The following PLEKHA7 variants were observed in gnomAD, a reference collection of about 807,000 sequenced individuals.
PLEKHA7 encodes the protein pleckstrin homology domain-containing family A member 7.
A neutral mutation model predicts 170.0 loss-of-function variants in PLEKHA7; 104 were observed. The ratio of observed to expected loss-of-function variants is 0.61; its 90% CI spans 0.52 to 0.72. The LOEUF is 0.72. Ranked by LOEUF, PLEKHA7 falls within the 30% of genes least tolerant of loss-of-function variation. The pLI, the probability that PLEKHA7 is intolerant of heterozygous loss-of-function variation, is 0.00. For missense variants in PLEKHA7, 1,615 were observed against 1,671.7 expected, an observed-to-expected ratio of 0.97 and a Z score of 0.59; for synonymous variants, 648 against 660.8, an observed-to-expected ratio of 0.98 and a Z score of 0.30.
chr11:16,835,952 C>G (rs1590275399), intron 9 of PLEKHA7, among the ~76,000 whole-genome samples: 1 of 152,226 alleles, frequency 6.6e-6, no homozygotes, highest in Admixed American at 6.5e-5. Flanking sequence ...CACCACCTCA[C>G]TCTCAGTCCT....
chr11:16,852,467 T>C, intron 6 of PLEKHA7, 112 bp from the exon 7 acceptor site: 2 of 778,358 alleles, frequency 2.6e-6, no homozygotes, highest in Non-Finnish European at 4.1e-6. Context: ...CACTCTTTGT[T>C]TTAATAAATT....
At chr11:16,868,279 G>A (rs74539925) in intron 4 of PLEKHA7, among the ~76,000 whole-genome samples, 5,827 of 152,192 alleles carry the variant, frequency 0.038, 367 homozygotes, top group African/African-American at 0.13. Flanking sequence ...TACGACTGAC[G>A]CAGGAATTAG....
chr11:16,936,987 T>A (rs543461330), intron 3 of PLEKHA7, among the ~76,000 whole-genome samples: 1 of 152,334 alleles, frequency 6.6e-6, no homozygotes, highest in Admixed American at 6.5e-5. Flanking sequence ...TCCCTCCCCC[T>A]GAGCCTCAGT....
intron 3 of PLEKHA7, among the ~76,000 whole-genome samples, chr11:16,908,682 G>T (rs989872362): frequency 6.6e-6 from 1 of 152,024 alleles, no homozygotes; most frequent in Admixed American, 6.6e-5. Context: ...TTTTAGTAGA[G>T]ATGGTGTTTC....
rs774100604 is a variant in PLEKHA7 at position 16,789,162 on chromosome 11, T to C, written c.3291A>G (p.Gln1097=). 5.6e-6 allele frequency: 9 copies of C among 1,611,984 alleles called. No individual in the cohort carries two copies. In the African/African-American group the frequency reaches 1.1e-4, roughly 19 times the overall value. The part of the protein sequence containing the change: ...LVRERKRTLG[Q]GERTGLPSSR... ...ATGAGGGCAGGCCCGTCCTCTCCCC[T>C]TGGCCCAGTGTCCTCTTGCGCTCTC... The change falls in exon 23 of 27, where the codon CAA becomes CAG. Residue 1097 remains glutamine (Q), a synonymous_variant. Transcript: ENST00000531066. The surrounding 1 kb of genome is among the most constrained non-coding windows in gnomAD (Gnocchi z 4.6).
intron 9 of PLEKHA7, among the ~76,000 whole-genome samples, chr11:16,841,163 C>G (rs1027435409): frequency 1.2e-4 from 18 of 152,194 alleles, no homozygotes; most frequent in Admixed American, 7.9e-4. Context: ...CTTGGTTGAA[C>G]TATTTCAGAG....
chr11:16,802,164 G>A (rs184209803), intron 15 of PLEKHA7, among the ~76,000 whole-genome samples: 54 of 152,324 alleles, frequency 3.5e-4, no homozygotes, highest in African/African-American at 1.3e-3. Context: ...AGGGAAAAGA[G>A]TATATTGTCA....
In PLEKHA7 at chr11:16,783,729, C is replaced by A; in HGVS notation, c.3621G>T (p.Glu1207Asp). 1 of 1,489,162 alleles carries A rather than the reference C, an allele frequency of 6.7e-7. No homozygotes were observed. 92.2% of individuals were successfully genotyped at this position (1,489,162 alleles called of 1,614,324 possible). A position where few individuals can be genotyped will look rare whatever the true frequency, so the allele number is the denominator to read the frequency against. ...ACCGGGCGAGGATGTTGCGGATCTT[C>A]TCGGCTTTGCGGTACCGCGCCTGCA... ...EELQARYRKA[E>D]KIRNILARSS... is the part of the protein sequence containing the mutation. The change falls in exon 25 of 27, where the codon GAG becomes GAT. Residue 1207 changes from glutamate (E) to aspartate (D), a missense_variant. Physicochemically the swap from Glu to Asp is conservative, Grantham distance 45. Transcript: ENST00000531066.
At chr11:16,781,822 G>A (rs926138927) in intron 26 of PLEKHA7, among the ~76,000 whole-genome samples, 5 of 152,152 alleles carry the variant, frequency 3.3e-5, no homozygotes, top group African/African-American at 1.2e-4. Flanking sequence ...GCTACTTCTA[G>A]ACACTTTGGC....
At chr11:16,942,908 C>T (rs1286625368) in intron 3 of PLEKHA7, among the ~76,000 whole-genome samples, 2 of 152,190 alleles carry the variant, frequency 1.3e-5, no homozygotes, top group East Asian at 3.8e-4. Context: ...TCATAAATTT[C>T]TACTTCAATA....
chr11:16,963,156 T>G (rs765865998), intron 3 of PLEKHA7, among the ~76,000 whole-genome samples: 5 of 152,188 alleles, frequency 3.3e-5, no homozygotes, highest in Non-Finnish European at 5.9e-5. Context: ...GCCACTTCTG[T>G]GCAGCTCCAG....
chr11:16,833,610 C>A (rs1590267050), intron 9 of PLEKHA7, among the ~76,000 whole-genome samples: 1 of 152,136 alleles, frequency 6.6e-6, no homozygotes, highest in African/African-American at 2.4e-5. Context: ...TTATTGTTAC[C>A]ATATGCTAGG....
intron 3 of PLEKHA7, among the ~76,000 whole-genome samples, chr11:16,995,582 C>T (rs906828090): frequency 6.6e-6 from 1 of 152,182 alleles, no homozygotes; most frequent in Non-Finnish European, 1.5e-5. Flanking sequence ...ACCTGACCAT[C>T]CTATCGCCTG....
At chr11:16,815,079 A>C (rs924660566) in intron 12 of PLEKHA7, 1 of 153,078 alleles carries the variant, frequency 6.5e-6, no homozygotes, top group Non-Finnish European at 1.5e-5. Flanking sequence ...CGCGAGAGCC[A>C]GAAAGCACAG....
chr11:17,014,127 G>C lies in PLEKHA7; in HGVS notation c.161C>G (p.Ser54Ter), dbSNP rs1280369537. The C allele has an allele frequency of 1.7e-5, 27 of 1,602,688 alleles. No homozygotes were observed. Among genetic ancestry groups the C allele is most frequent in the Non-Finnish European group, 2.1e-5 (25 of 1,176,090 alleles). The change falls in exon 2 of 27, where the codon TCA becomes TGA. Residue 54 changes from serine to a stop codon, truncating the protein, a stop_gained and splice_region_variant. Transcript: ENST00000531066. LOFTEE classifies it high-confidence loss of function. Reference sequence around the variant, plus strand: ...CCACCCGCCGGCCCGGCGCCCACCTGAGCGGATCATGTGGCCCGAGTTGAC... The same window carrying C: ...CCACCCGCCGGCCCGGCGCCCACCTCAGCGGATCATGTGGCCCGAGTTGAC... ...EPVNSGHMIR[S>*]DLPRGWEEGF... is the part of the protein sequence containing the mutation.
intron 6 of PLEKHA7, among the ~76,000 whole-genome samples, chr11:16,853,197 T>C (rs888452614): frequency 1.1e-4 from 16 of 152,200 alleles, no homozygotes; most frequent in African/African-American, 3.9e-4. Flanking sequence ...AAAAATTTTT[T>C]TTTCATTTAA....
intron 3 of PLEKHA7, among the ~76,000 whole-genome samples, chr11:16,872,199 C>T (rs1712887108): frequency 6.6e-6 from 1 of 151,958 alleles, no homozygotes; most frequent in Non-Finnish European, 1.5e-5. Context: ...AAATCTCTGA[C>T]CTCAAGTGAC....
chr11:16,962,846 C>T (rs1862148309), intron 3 of PLEKHA7, among the ~76,000 whole-genome samples: 1 of 152,118 alleles, frequency 6.6e-6, no homozygotes, highest in African/African-American at 2.4e-5. Flanking sequence ...CTCCCAGAAG[C>T]AACAACAACA....
rs1279971212 is a variant in PLEKHA7, at chr11:16,817,070, G to A, written c.1596C>T (p.Phe532=). The change falls in exon 11 of 27, where the codon TTC becomes TTT. Residue 532 remains phenylalanine, a synonymous_variant. Transcript: ENST00000531066. This position sits in a 1 kb window ranked among gnomAD's most constrained non-coding sequence, Gnocchi z 4.4. ...TGGGCGCTGTGGGGCTGCCGTGCCG[G>A]AACTGCTGGCGCTGCTGCCACTCGT... ...QLYEWQQRQQ[F]RHGSPTAPIC... 5.0e-6 allele frequency: 8 copies of A among 1,612,428 alleles called. No homozygotes were observed. The highest frequency in any genetic ancestry group is 1.7e-5 in the Admixed American group (1 of 59,964).
Sources: allele counts gnomAD v4.1 joint callset (sites outside exome capture counted in the v4.1 genomes callset), GRCh38; gene constraint gnomAD v4.1.1; non-coding constraint Gnocchi (gnomAD v3.1); transcripts MANE v1.5; gene names NCBI Gene and HGNC (gene_info 2026-07-23, HGNC 2026-07-21).